The following GRIK1 variants were observed in gnomAD, a reference collection of about 807,000 sequenced individuals.
GRIK1 encodes glutamate ionotropic receptor kainate type subunit 1.
In GRIK1, 69 loss-of-function variants were observed where a neutral mutation model predicts 105.7. The observed-to-expected ratio is 0.65, with a 90% CI of 0.54 to 0.80. GRIK1 has a LOEUF of 0.80. Among genes scored for constraint, GRIK1 ranks in the 30% least tolerant of loss-of-function variants. The pLI is 0.00. For missense variants in GRIK1, 1,109 were observed against 1,167.3 expected, an observed-to-expected ratio of 0.95 and a Z score of 0.73; for synonymous variants, 438 against 431.3, an observed-to-expected ratio of 1.02 and a Z score of -0.19.
intron 15 of GRIK1, among the ~76,000 whole-genome samples, chr21:29,561,255 T>C (rs1415790882): frequency 6.6e-6 from 1 of 152,196 alleles, no homozygotes; most frequent in Admixed American, 6.5e-5. Flanking sequence ...ATCAACTTTC[T>C]TCTATTCTAA....
chr21:29,597,485 C>T, intron 8 of GRIK1: 1 of 257,424 alleles, frequency 3.9e-6, no homozygotes, highest in South Asian at 5.1e-5. Flanking sequence ...GGGAAAGACT[C>T]ATGCTTCGAG....
chr21:29,678,007 T>A (rs766579681), intron 3 of GRIK1, among the ~76,000 whole-genome samples: 5 of 152,188 alleles, frequency 3.3e-5, no homozygotes, highest in African/African-American at 4.8e-5. Flanking sequence ...GAAAAGTACC[T>A]AGGTTTTCTT....
At chr21:29,687,136 G>A (rs577840005) in intron 3 of GRIK1, among the ~76,000 whole-genome samples, 1 of 152,298 alleles carries the variant, frequency 6.6e-6, no homozygotes, top group South Asian at 2.1e-4. Context: ...ATTGAATTTT[G>A]TCCTTAGAGA....
At chr21:29,567,004 C>A (rs2090626437) in intron 14 of GRIK1, among the ~76,000 whole-genome samples, 1 of 152,204 alleles carries the variant, frequency 6.6e-6, no homozygotes, top group Admixed American at 6.5e-5. Context: ...GCTGTGGGAT[C>A]TTTCTATTAT....
intron 1 of GRIK1, among the ~76,000 whole-genome samples, chr21:29,736,764 G>T (rs1476417016): frequency 6.7e-6 from 1 of 149,650 alleles, no homozygotes; most frequent in African/African-American, 2.5e-5. Context: ...TGCAACCTCT[G>T]CCTCCTGGGT....
intron 1 of GRIK1, among the ~76,000 whole-genome samples, chr21:29,766,186 C>T (rs962528480): frequency 6.6e-6 from 1 of 152,090 alleles, no homozygotes; most frequent in African/African-American, 2.4e-5. Flanking sequence ...ATGTTCTTGG[C>T]ATATCCTACA....
intron 5 of GRIK1, among the ~76,000 whole-genome samples, chr21:29,652,580 A>T (rs2062759862): frequency 6.6e-6 from 1 of 152,236 alleles, no homozygotes; most frequent in Non-Finnish European, 1.5e-5. Context: ...GATGAGGCTG[A>T]GTGTAAACCA....
At chr21:29,691,811 G>C (rs1034006961) in intron 2 of GRIK1, among the ~76,000 whole-genome samples, 1 of 152,174 alleles carries the variant, frequency 6.6e-6, no homozygotes, top group Non-Finnish European at 1.5e-5. Flanking sequence ...AACTTTGACA[G>C]CCATATTGCA....
At chr21:29,758,653 G>T (rs2065417645) in intron 1 of GRIK1, among the ~76,000 whole-genome samples, 1 of 152,214 alleles carries the variant, frequency 6.6e-6, no homozygotes. Flanking sequence ...TGTTGGAAGG[G>T]ATTGCCACAA....
chr21:29,817,701 A>G (rs1301704570), intron 1 of GRIK1, among the ~76,000 whole-genome samples: 1 of 152,120 alleles, frequency 6.6e-6, no homozygotes, highest in East Asian at 1.9e-4. Flanking sequence ...ACCTGGCAAA[A>G]TCACAGCAGA....
intron 1 of GRIK1, among the ~76,000 whole-genome samples, chr21:29,858,081 A>G (rs2068518249): frequency 6.6e-6 from 1 of 152,100 alleles, no homozygotes; most frequent in Non-Finnish European, 1.5e-5. Flanking sequence ...TTGTGTTTTT[A>G]GTAGAGAAGG....
At chr21:29,854,689 C>T (rs1264754181) in intron 1 of GRIK1, among the ~76,000 whole-genome samples, 6 of 152,092 alleles carry the variant, frequency 3.9e-5, no homozygotes, top group African/African-American at 1.4e-4. Flanking sequence ...GATGTTTTCT[C>T]ATCTATTTGC....
chr21:29,920,943 T>C lies in GRIK1; in HGVS notation c.118+18440A>G, dbSNP rs147839907. ...AGAATAGATGATTGATGGTTTTATTTATTTTCTTCTGGAGCAGGATTTCCA... is the reference window on the plus strand; with the variant it reads ...AGAATAGATGATTGATGGTTTTATTCATTTTCTTCTGGAGCAGGATTTCCA... On this transcript the variant is annotated intron_variant, in intron 1 of 17. Transcript: ENST00000327783. Among the ~76,000 whole-genome samples, 392 of 152,302 alleles carry C rather than the reference T, an allele frequency of 2.6e-3. 1 individual carries two copies. The highest frequency in any genetic ancestry group is 9.0e-3 in the African/African-American group (376 of 41,564).
chr21:29,939,183 G>C (rs1169742327), intron 1 of GRIK1, among the ~76,000 whole-genome samples, 200 bp downstream of exon 1: 1 of 152,110 alleles, frequency 6.6e-6, no homozygotes, highest in Non-Finnish European at 1.5e-5. Flanking sequence ...TGTACCTCCC[G>C]GGGAAGGCCG....
chr21:29,895,629 A>T lies in GRIK1; in HGVS notation c.118+43754T>A, dbSNP rs186426989. On this transcript the variant is annotated intron_variant, in intron 1 of 17. Coordinates refer to ENST00000327783, the MANE Select transcript of GRIK1 (RefSeq NM_001330994.2). ...CCACATCCTCCCAGATGTAATGAAC[A>T]TTCACGCAGCAGTTGATTTTACTTT... Among the ~76,000 whole-genome samples, 413 of 152,342 alleles carry T rather than the reference A, an allele frequency of 2.7e-3. 6 individuals are homozygous for T. Among genetic ancestry groups the T allele is most frequent in the Non-Finnish European group, 2.0e-3 (139 of 68,028 alleles).
At chr21:29,597,752 C>A in intron 8 of GRIK1, 1 of 325,394 alleles carries the variant, frequency 3.1e-6, no homozygotes. Flanking sequence ...TTATTTTCCT[C>A]AAATATTTCA....
chr21:29,863,170 A>G (rs371059453), intron 1 of GRIK1, among the ~76,000 whole-genome samples: 3 of 152,360 alleles, frequency 2.0e-5, no homozygotes, highest in East Asian at 3.9e-4. Flanking sequence ...ACTGAACAGT[A>G]TATGTGTGAT....
intron 1 of GRIK1, among the ~76,000 whole-genome samples, chr21:29,713,333 T>A (rs1277061404): frequency 6.6e-6 from 1 of 152,214 alleles, no homozygotes; most frequent in East Asian, 1.9e-4. Flanking sequence ...TAATTTGATT[T>A]GGATTTTTGT....
chr21:29,560,479 C>T (rs1413233323), intron 15 of GRIK1, among the ~76,000 whole-genome samples: 27 of 128,556 alleles, frequency 2.1e-4, no homozygotes, highest in African/African-American at 4.5e-4. Flanking sequence ...CTTTCTCTCT[C>T]TCCCTTTCTT....
Sources: gnomAD v4.1 joint callset for allele counts (sites outside exome capture counted in the v4.1 genomes callset) on GRCh38, gnomAD v4.1.1 for gene constraint, MANE v1.5 for transcripts, NCBI Gene and HGNC (gene_info 2026-07-23, HGNC 2026-07-21) for gene names.